Variants in CTNNA3 observed in about 807,000 individuals in gnomAD.
CTNNA3 encodes the protein catenin alpha 3.
Under a neutral mutation model 95.7 loss-of-function variants are expected in CTNNA3, and 76 were observed. That is an observed-to-expected ratio of 0.79 (90% CI 0.66 to 0.96). The LOEUF is 0.96. Among genes scored for constraint, CTNNA3 ranks in the 40% least tolerant of loss-of-function variants. The probability of loss-of-function intolerance (pLI) is 0.00; values close to 1 mark genes in which losing one functional copy is unlikely to be tolerated. For missense variants in CTNNA3, 1,191 were observed against 1,089.8 expected (o/e 1.09, Z -1.31); for synonymous variants, 431 against 374.4 (o/e 1.15, Z -1.74).
chr10:66,853,291 T>G (rs142209623), intron 7 of CTNNA3, among the ~76,000 whole-genome samples: 5 of 152,042 alleles, frequency 3.3e-5, no homozygotes, highest in African/African-American at 1.2e-4. Flanking sequence ...ATCCGGCCCG[T>G]TAGAGAAAAA....
intron 11 of CTNNA3, among the ~76,000 whole-genome samples, chr10:66,516,608 C>T (rs1051110629): frequency 1.3e-5 from 2 of 152,088 alleles, no homozygotes; most frequent in Non-Finnish European, 2.9e-5. Context: ...TAAACAAATG[C>T]TACAAATTAG....
intron 5 of CTNNA3, among the ~76,000 whole-genome samples, chr10:67,393,508 T>C (rs1844594684): frequency 6.6e-6 from 1 of 152,126 alleles, no homozygotes; most frequent in Non-Finnish European, 1.5e-5. Flanking sequence ...TCCAAATGTA[T>C]GGGTCAAGGA....
At chr10:66,770,773 G>A (rs1840057003) in intron 8 of CTNNA3, among the ~76,000 whole-genome samples, 1 of 151,926 alleles carries the variant, frequency 6.6e-6, no homozygotes, top group Admixed American at 6.6e-5. Context: ...TTTCAGAAAG[G>A]AATCATCTTC....
chr10:67,204,757 T>C (rs1863815727), intron 6 of CTNNA3, among the ~76,000 whole-genome samples: 1 of 152,168 alleles, frequency 6.6e-6, no homozygotes, highest in Non-Finnish European at 1.5e-5. Context: ...CAAGGTCAGC[T>C]ATGCCATGTG....
At chr10:67,573,497 T>C (rs1589441389) in intron 3 of CTNNA3, among the ~76,000 whole-genome samples, 2 of 152,252 alleles carry the variant, frequency 1.3e-5, no homozygotes, top group East Asian at 1.9e-4. Flanking sequence ...CCCTATCTTA[T>C]GTGAACTGAC....
rs10997149 is a variant in CTNNA3, at chr10:66,465,252, C to A, written c.1531+55365G>T. On this transcript the variant is annotated intron_variant, in intron 11 of 17. Transcript: ENST00000433211. ...ATCACCAAACCTAATGAGTGGTACA[C>A]CATGAAATATCCCTCTTGGGGGATC... 0.015 allele frequency among the ~76,000 whole-genome samples: 2,271 copies of A among 151,538 alleles called. 145 individuals carry two copies. In the East Asian group the frequency reaches 0.21, roughly 14 times the overall value.
chr10:67,083,375 C>T (rs1857143925), intron 7 of CTNNA3, among the ~76,000 whole-genome samples: 1 of 151,860 alleles, frequency 6.6e-6, no homozygotes, highest in African/African-American at 2.4e-5. Context: ...CTTGGGGCTA[C>T]CATCTAGGAA....
At chr10:65,953,749 T>G (rs1403084319) in intron 17 of CTNNA3, among the ~76,000 whole-genome samples, 1 of 152,222 alleles carries the variant, frequency 6.6e-6, no homozygotes, top group East Asian at 1.9e-4. Context: ...TATTCCATGG[T>G]GTATATGTGC....
intron 5 of CTNNA3, among the ~76,000 whole-genome samples, chr10:67,221,570 A>AT (rs143893645): frequency 0.04 from 6,051 of 152,008 alleles, 402 homozygotes; most frequent in African/African-American, 0.14. Flanking sequence ...CATAGGAAAA[A>AT]TTTTTTTCTT....
intron 10 of CTNNA3, among the ~76,000 whole-genome samples, chr10:66,618,440 G>A (rs985726125): frequency 3.3e-5 from 5 of 152,082 alleles, no homozygotes; most frequent in African/African-American, 9.7e-5. Flanking sequence ...TGACAAACCT[G>A]AGAAAAACAA....
chr10:67,647,201 G>T, intron 2 of CTNNA3, among the ~76,000 whole-genome samples: 1 of 147,990 alleles, frequency 6.8e-6, no homozygotes, highest in Non-Finnish European at 1.5e-5. Flanking sequence ...CTTGCTAAAA[G>T]AGAATGTGGG....
chr10:66,031,142 G>C lies in CTNNA3; in HGVS notation c.2159+38166C>G, dbSNP rs2169664. On this transcript the variant is annotated intron_variant, in intron 15 of 17. Coordinates refer to ENST00000433211, the MANE Select transcript of CTNNA3 (RefSeq NM_013266.4). ...ATTAGTACAGCCAATATGGAAACTC[G>C]ATTGGAGATTCCTCAGAGAACTAAA... Among the ~76,000 whole-genome samples, 3 of 152,028 alleles carry C rather than the reference G, an allele frequency of 2.0e-5. No homozygotes were observed. The East Asian group carries it at 5.8e-4, about 29-fold the overall frequency.
At chr10:67,594,002 T>A (rs1214368844) in intron 3 of CTNNA3, among the ~76,000 whole-genome samples, 1 of 152,216 alleles carries the variant, frequency 6.6e-6, no homozygotes, top group African/African-American at 2.4e-5. Context: ...CTTTTCTGTA[T>A]CTATTGAGAT....
At chr10:66,448,215 T>C (rs1404140825) in intron 11 of CTNNA3, among the ~76,000 whole-genome samples, 1 of 152,120 alleles carries the variant, frequency 6.6e-6, no homozygotes, top group Non-Finnish European at 1.5e-5. Context: ...AGGAACACTT[T>C]TACACTGTTG....
intron 9 of CTNNA3, among the ~76,000 whole-genome samples, chr10:66,713,562 T>C (rs986360730): frequency 2.0e-5 from 3 of 152,050 alleles, no homozygotes; most frequent in Non-Finnish European, 4.4e-5. Context: ...ACTAATAGAT[T>C]ATATCCTGGC....
chr10:67,210,453 G>A (rs751425944), intron 6 of CTNNA3, among the ~76,000 whole-genome samples: 2 of 152,054 alleles, frequency 1.3e-5, no homozygotes, highest in Non-Finnish European at 2.9e-5. Flanking sequence ...TGTTCCTAAT[G>A]TCATTCATCT....
At chr10:66,213,578 A>T (rs2088314029) in intron 13 of CTNNA3, among the ~76,000 whole-genome samples, 1 of 152,176 alleles carries the variant, frequency 6.6e-6, no homozygotes, top group Non-Finnish European at 1.5e-5. Flanking sequence ...AGCTAAGCTA[A>T]TGAGAAGAAA....
In CTNNA3 at chr10:66,251,168, A is replaced by G. The variant is rs140162591; in HGVS notation, c.1884+29302T>C. ...CACATAGAGGCTCTCCAGAAAGAGTATTGTAGTAAGCAGCCATCTTGTGTG... is the reference window on the plus strand; with the variant it reads ...CACATAGAGGCTCTCCAGAAAGAGTGTTGTAGTAAGCAGCCATCTTGTGTG... On this transcript the variant is annotated intron_variant, in intron 13 of 17. Coordinates refer to ENST00000433211, the MANE Select transcript of CTNNA3 (RefSeq NM_013266.4). 2.3e-3 allele frequency among the ~76,000 whole-genome samples: 353 copies of G among 152,332 alleles called. 4 individuals are homozygous for G. The highest frequency in any genetic ancestry group is 9.6e-4 in the Non-Finnish European group (65 of 68,024).
At chr10:65,942,059 G>A (rs1564528859) in intron 17 of CTNNA3, among the ~76,000 whole-genome samples, 1 of 152,110 alleles carries the variant, frequency 6.6e-6, no homozygotes. Flanking sequence ...TCACAAGGGT[G>A]TTTACTCAAA....
Sources: gnomAD v4.1 joint callset for allele counts (sites outside exome capture counted in the v4.1 genomes callset) on GRCh38, gnomAD v4.1.1 for gene constraint, MANE v1.5 for transcripts, NCBI Gene and HGNC (gene_info 2026-07-23, HGNC 2026-07-21) for gene names.